Variants in COLEC10 observed in about 807,000 individuals in gnomAD.
COLEC10 encodes collectin-10.
Under a neutral mutation model 28.4 loss-of-function variants are expected in COLEC10, and 22 were observed. That is an observed-to-expected ratio of 0.78 (90% CI 0.55 to 1.11). COLEC10 has a LOEUF of 1.11. Ranked by LOEUF, COLEC10 falls within the 50% of genes least tolerant of loss-of-function variation. COLEC10 has a pLI of 0.00. For missense variants in COLEC10, 361 were observed against 344.1 expected (o/e 1.05, Z -0.39); for synonymous variants, 125 against 116.1 (o/e 1.08, Z -0.49).
the COLEC10 span, among the ~76,000 whole-genome samples, chr8:118,955,839 G>C: frequency 1.2e-3 from 182 of 152,304 alleles, no homozygotes; most frequent in African/African-American, 4.2e-3. Context: ...GGACTGAAGA[G>C]GTGAGTAGAC....
intron 3 of COLEC10, among the ~76,000 whole-genome samples, chr8:119,095,383 A>T (rs1815691921): frequency 6.6e-6 from 1 of 152,198 alleles, no homozygotes; most frequent in Non-Finnish European, 1.5e-5. Flanking sequence ...AGATTGATCC[A>T]TCGACTCAAT....
At chr8:119,030,266 C>T (rs1814264437) in intron 2 of COLEC10, among the ~76,000 whole-genome samples, 1 of 152,062 alleles carries the variant, frequency 6.6e-6, no homozygotes, top group African/African-American at 2.4e-5. Flanking sequence ...TAATTTTAAG[C>T]CATAGATAAT....
chr8:118,979,184 T>G, the COLEC10 span, among the ~76,000 whole-genome samples: 4 of 152,112 alleles, frequency 2.6e-5, no homozygotes, highest in Admixed American at 6.6e-5. Flanking sequence ...GTAAGATCAT[T>G]TGATATTTTT....
At chr8:119,026,142 T>C (rs1814186796) in intron 2 of COLEC10, among the ~76,000 whole-genome samples, 2 of 152,230 alleles carry the variant, frequency 1.3e-5, no homozygotes, top group Non-Finnish European at 1.5e-5. Flanking sequence ...GACTATCCTG[T>C]ATCATGAATT....
the COLEC10 span, chr8:118,976,545 G>A: frequency 6.6e-6 from 1 of 152,234 alleles, no homozygotes. Context: ...TACTAAAATT[G>A]GAACGATACA....
At chr8:118,984,734 T>C in the COLEC10 span, among the ~76,000 whole-genome samples, 40 of 152,166 alleles carry the variant, frequency 2.6e-4, no homozygotes, top group African/African-American at 9.4e-4. Context: ...GGAGGTATAT[T>C]AGTTTGTTTT....
At chr8:118,978,646 A>G in the COLEC10 span, among the ~76,000 whole-genome samples, 2 of 152,104 alleles carry the variant, frequency 1.3e-5, no homozygotes, top group East Asian at 1.9e-4. Context: ...CTTGCATTAT[A>G]TATATACACA....
chr8:118,992,255 T>A (rs1813515926), upstream of COLEC10, among the ~76,000 whole-genome samples: 1 of 152,148 alleles, frequency 6.6e-6, no homozygotes, highest in Non-Finnish European at 1.5e-5. Flanking sequence ...AGTGAAAGGA[T>A]CTTTTTAAAA....
chr8:119,027,700 C>T (rs1814218048), intron 2 of COLEC10, among the ~76,000 whole-genome samples: 2 of 152,152 alleles, frequency 1.3e-5, no homozygotes, highest in Non-Finnish European at 2.9e-5. Flanking sequence ...GTGAGTTTAA[C>T]TTCTCTGCAC....
At chr8:119,019,691 T>C (rs140409379) in intron 2 of COLEC10, among the ~76,000 whole-genome samples, 37 of 152,212 alleles carry the variant, frequency 2.4e-4, no homozygotes, top group African/African-American at 8.4e-4. Context: ...TCTAACCAGA[T>C]TCCACAGCAA....
intron 3 of COLEC10, among the ~76,000 whole-genome samples, chr8:119,096,339 C>G (rs956587829): frequency 2.6e-5 from 4 of 152,194 alleles, no homozygotes; most frequent in Admixed American, 6.5e-5. Flanking sequence ...CGCCTGTACT[C>G]CCAGCACTTT....
intron 1 of COLEC10, among the ~76,000 whole-genome samples, chr8:119,088,838 T>C (rs1448887558): frequency 3.9e-5 from 6 of 152,220 alleles, no homozygotes; most frequent in Non-Finnish European, 7.3e-5. Flanking sequence ...TAAGCACTGA[T>C]TGTATCCCAG....
intron 2 of COLEC10, among the ~76,000 whole-genome samples, chr8:119,021,115 A>G (rs963378557): frequency 5.9e-5 from 9 of 152,192 alleles, no homozygotes; most frequent in Non-Finnish European, 1.2e-4. Flanking sequence ...TAATTGAAAA[A>G]CCAATAAAAT....
At chr8:118,991,505 G>A (rs1385311736), upstream of COLEC10, among the ~76,000 whole-genome samples, 1 of 152,118 alleles carries the variant, frequency 6.6e-6, no homozygotes, top group African/African-American at 2.4e-5. Flanking sequence ...AAAGTAATTG[G>A]TTTGAGTTTG....
chr8:119,027,535 C>A (rs1814214889), intron 2 of COLEC10, among the ~76,000 whole-genome samples: 1 of 152,106 alleles, frequency 6.6e-6, no homozygotes. Context: ...AATTCCACAG[C>A]CAATAAGACA....
intron 2 of COLEC10, among the ~76,000 whole-genome samples, chr8:119,019,070 T>C (rs948897810): frequency 6.6e-6 from 1 of 152,172 alleles, no homozygotes; most frequent in African/African-American, 2.4e-5. Context: ...ATCCAACAAC[T>C]CCCAGAGCTC....
chr8:119,032,550 T>C (rs1285729782), intron 2 of COLEC10, among the ~76,000 whole-genome samples: 4 of 152,192 alleles, frequency 2.6e-5, no homozygotes, highest in African/African-American at 9.7e-5. Context: ...CCCATCTCTT[T>C]ACAAGAGGAG....
chr8:118,976,557 A>G, the COLEC10 span: 1 of 152,334 alleles, frequency 6.6e-6, no homozygotes, highest in Non-Finnish European at 1.5e-5. Flanking sequence ...AACGATACAG[A>G]GAAGATTAGC....
intron 3 of COLEC10, among the ~76,000 whole-genome samples, chr8:119,100,823 C>G (rs1815811211): frequency 6.6e-6 from 1 of 152,156 alleles, no homozygotes; most frequent in Non-Finnish European, 1.5e-5. Flanking sequence ...TCCTCCTGCA[C>G]ATGTAAACTG....
Sources: allele counts gnomAD v4.1 joint callset (sites outside exome capture counted in the v4.1 genomes callset), GRCh38; gene constraint gnomAD v4.1.1; transcripts MANE v1.5; gene names NCBI Gene and HGNC (gene_info 2026-07-23, HGNC 2026-07-21).